Variants in TVP23A observed in about 807,000 individuals in gnomAD.
TVP23A encodes the protein trans-golgi network vesicle protein 23 homolog A.
Under a neutral mutation model 31.7 loss-of-function variants are expected in TVP23A, and 21 were observed. The observed-to-expected ratio is 0.66, with a 90% CI of 0.47 to 0.95. TVP23A has a LOEUF of 0.95. TVP23A is among the 40% of genes least tolerant of loss of function. The pLI is 0.00. For synonymous variants in TVP23A, 104 were observed against 96.0 expected, an observed-to-expected ratio of 1.08 and a Z score of -0.49; for missense variants, 279 against 255.6, an observed-to-expected ratio of 1.09 and a Z score of -0.62.
At chr16:10,806,505 T>G (rs892456074) in intron 2 of TVP23A, among the ~76,000 whole-genome samples, 3 of 152,142 alleles carry the variant, frequency 2.0e-5, no homozygotes, top group South Asian at 4.1e-4. Flanking sequence ...TTATTGTTTT[T>G]TATTTTATTT....
intron 5 of TVP23A, among the ~76,000 whole-genome samples, chr16:10,772,550 A>G (rs771276891): frequency 4.6e-5 from 7 of 152,118 alleles, no homozygotes; most frequent in Non-Finnish European, 7.3e-5. Context: ...TGGTATCTAT[A>G]GTACAGACAG....
chr16:10,775,507 C>A, intron 2 of TVP23A: 1 of 1,050,002 alleles, frequency 9.5e-7, no homozygotes, highest in Non-Finnish European at 1.2e-6. Flanking sequence ...CACACGCAGC[C>A]CACGGGGCAG....
intron 2 of TVP23A, among the ~76,000 whole-genome samples, chr16:10,776,283 G>C (rs1325073952): frequency 6.6e-6 from 1 of 151,972 alleles, no homozygotes; most frequent in East Asian, 2.0e-4. Context: ...GCTGAGGCAG[G>C]AGAATCACTA....
intron 2 of TVP23A, among the ~76,000 whole-genome samples, chr16:10,801,963 G>C (rs1474216709): frequency 6.6e-6 from 1 of 151,960 alleles, no homozygotes; most frequent in Admixed American, 6.6e-5. Flanking sequence ...TTGAGCCTAG[G>C]AGCCCTGGCG....
intron 2 of TVP23A, among the ~76,000 whole-genome samples, chr16:10,806,956 TC>T (rs1309042643): frequency 6.6e-6 from 1 of 152,218 alleles, no homozygotes; most frequent in East Asian, 1.9e-4. Context: ...TTTGTCTAGT[TC>T]CGTGATTCTG....
At chr16:10,811,081 C>T (rs1173830615) in intron 2 of TVP23A, among the ~76,000 whole-genome samples, 5 of 152,010 alleles carry the variant, frequency 3.3e-5, no homozygotes, top group African/African-American at 1.2e-4. Context: ...TAGTGGTTCC[C>T]AGGGGCTTGG....
At chr16:10,760,996 G>A (rs1020910395), downstream of TVP23A, 1 of 195,760 alleles carries the variant, frequency 5.1e-6, no homozygotes. Context: ...CATGGTGGAA[G>A]GCAAAGCAGG....
rs954260909 is a variant in TVP23A at position 10,767,062 on chromosome 16, G to A, written c.*2040C>T. On this transcript the variant is annotated 3_prime_UTR_variant, in exon 8 of 8. Coordinates refer to ENST00000299866, the MANE Select transcript of TVP23A (RefSeq NM_001079512.4). This position sits in a 1 kb window ranked among gnomAD's most constrained non-coding sequence, Gnocchi z 4.6. ...AGTAGTGAAGTTGAGGAAATGATGAGTGCTAGGTAGGAACCCCTCCTGGGG... is the reference window on the plus strand; with the variant it reads ...AGTAGTGAAGTTGAGGAAATGATGAATGCTAGGTAGGAACCCCTCCTGGGG... 5.0e-6 allele frequency: 2 copies of A among 398,802 alleles called. No homozygotes were observed. Among genetic ancestry groups the A allele is most frequent in the Non-Finnish European group, 8.8e-6 (2 of 226,178 alleles). The allele number at this position is 398,802 out of a possible 1,614,324, so 24.7% of individuals were successfully genotyped here.
chr16:10,783,282 T>A (rs892781708), intron 2 of TVP23A, among the ~76,000 whole-genome samples: 2 of 152,184 alleles, frequency 1.3e-5, no homozygotes, highest in Non-Finnish European at 2.9e-5. Flanking sequence ...TCCCCAGGGT[T>A]TACCGAAGTG....
At chr16:10,783,642 C>T (rs2032559783) in intron 2 of TVP23A, among the ~76,000 whole-genome samples, 1 of 152,218 alleles carries the variant, frequency 6.6e-6, no homozygotes, top group Non-Finnish European at 1.5e-5. Context: ...CACCACTGCA[C>T]TCCAGCCTGG....
In TVP23A at chr16:10,794,803, T is replaced by C. The variant is rs541955595; in HGVS notation, c.90-19707A>G. 4.6e-5 allele frequency among the ~76,000 whole-genome samples: 7 copies of C among 152,088 alleles called. No individual in the cohort carries two copies. In the East Asian group the frequency reaches 1.4e-3, roughly 29 times the overall value. The stretch of plus-strand genomic sequence containing the variant: ...ACCTGTCCTAGTTTTCAGGGTAACA[T>C]CCTCTGGGCTAGCAGCTGCTCTGAG... On this transcript the variant is annotated intron_variant, in intron 2 of 7. Transcript: ENST00000299866.
intron 2 of TVP23A, among the ~76,000 whole-genome samples, chr16:10,783,452 G>A (rs2032545857): frequency 6.6e-6 from 1 of 152,174 alleles, no homozygotes; most frequent in Non-Finnish European, 1.5e-5. Context: ...GAGGTGGGCA[G>A]ATCACTTGAG....
intron 2 of TVP23A, among the ~76,000 whole-genome samples, chr16:10,808,365 T>A (rs371311507): frequency 3.3e-5 from 5 of 152,046 alleles, no homozygotes; most frequent in African/African-American, 1.2e-4. Flanking sequence ...AGTTAGGGAT[T>A]TTCAGGGGTG....
intron 2 of TVP23A, among the ~76,000 whole-genome samples, chr16:10,812,511 T>C (rs1477164120): frequency 6.6e-6 from 1 of 152,188 alleles, no homozygotes; most frequent in Non-Finnish European, 1.5e-5. Context: ...TGTACCCAAG[T>C]GGATGAATGG....
chr16:10,787,715 G>A (rs1010281193), intron 2 of TVP23A, among the ~76,000 whole-genome samples: 2 of 151,992 alleles, frequency 1.3e-5, no homozygotes, highest in South Asian at 2.1e-4. Context: ...TCTCACAGGA[G>A]AGAGAGCTGT....
At chr16:10,766,361 T>G (rs2030872374), downstream of TVP23A, among the ~76,000 whole-genome samples, 1 of 152,174 alleles carries the variant, frequency 6.6e-6, no homozygotes, top group African/African-American at 2.4e-5. This position sits in a 1 kb window ranked among gnomAD's most constrained non-coding sequence, Gnocchi z 4.8. Context: ...CCAGCTGTTC[T>G]GATAATGCTG....
At chr16:10,805,949 T>C (rs1013655594) in intron 2 of TVP23A, among the ~76,000 whole-genome samples, 2 of 152,170 alleles carry the variant, frequency 1.3e-5, no homozygotes, top group African/African-American at 4.8e-5. Context: ...GTTGTCACAG[T>C]GGGGGCTGCT....
intron 2 of TVP23A, among the ~76,000 whole-genome samples, chr16:10,793,140 T>C (rs1408887449): frequency 6.6e-6 from 1 of 151,968 alleles, no homozygotes; most frequent in African/African-American, 2.4e-5. Flanking sequence ...AATACAAAAA[T>C]TAGCCAGGCA....
At position 10,777,311 on chromosome 16, in the gene TVP23A, G is replaced by A. The variant is rs1397952162; in HGVS notation, c.90-2215C>T. On this transcript the variant is annotated intron_variant, in intron 2 of 7. Coordinates refer to ENST00000299866, the MANE Select transcript of TVP23A (RefSeq NM_001079512.4). This position sits in a 1 kb window ranked among gnomAD's most constrained non-coding sequence, Gnocchi z 4.5. Reference sequence around the variant, plus strand: ...ATGGGAAATCTGATTTTAAATGATGGCCACTAATTCTTTTACTGAAATATC... The same window carrying A: ...ATGGGAAATCTGATTTTAAATGATGACCACTAATTCTTTTACTGAAATATC... Among the ~76,000 whole-genome samples the A allele has an allele frequency of 1.3e-5, 2 of 152,136 alleles. No individual in the cohort carries two copies. Among genetic ancestry groups the A allele is most frequent in the East Asian group, 3.8e-4 (2 of 5,198 alleles).
Sources: allele counts gnomAD v4.1 joint callset (sites outside exome capture counted in the v4.1 genomes callset), GRCh38; gene constraint gnomAD v4.1.1; non-coding constraint Gnocchi (gnomAD v3.1); transcripts MANE v1.5; gene names NCBI Gene and HGNC (gene_info 2026-07-23, HGNC 2026-07-21).